The following NIBAN3 variants were observed in gnomAD, a reference collection of about 807,000 sequenced individuals.
NIBAN3 encodes protein Niban 3.
Under a neutral mutation model 76.4 loss-of-function variants are expected in NIBAN3, and 66 were observed. The ratio of observed to expected loss-of-function variants is 0.86; its 90% CI spans 0.71 to 1.06. NIBAN3 has a LOEUF of 1.06. NIBAN3 is among the 50% of genes least tolerant of loss of function. NIBAN3 has a pLI of 0.00. For missense variants in NIBAN3, 808 were observed against 810.7 expected, an observed-to-expected ratio of 1.00 and a Z score of 0.04; for synonymous variants, 360 against 355.2, an observed-to-expected ratio of 1.01 and a Z score of -0.15.
rs1390177873 is a variant in NIBAN3, at chr19:17,553,216, C to G, written c.*1318C>G. The G allele has an allele frequency of 6.6e-6, 10 of 1,521,528 alleles. No homozygotes were observed. Among genetic ancestry groups the G allele is most frequent in the Admixed American group, 2.1e-5 (1 of 46,576 alleles). The allele number at this position is 1,521,528 out of a possible 1,614,324, so 94.3% of individuals were successfully genotyped here. A position where few individuals can be genotyped will look rare whatever the true frequency, so the allele number is the denominator to read the frequency against. ...TTTTTCTTATTGATATCTAATAACT[C>G]TTTATATCTGAAGGATATGAACGCT... On this transcript the variant is annotated 3_prime_UTR_variant, in exon 15 of 15. Coordinates refer to ENST00000599164, the MANE Select transcript of NIBAN3 (RefSeq NM_001321827.2).
intron 4 of NIBAN3, among the ~76,000 whole-genome samples, chr19:17,535,404 C>T (rs559662226): frequency 2.0e-5 from 3 of 152,276 alleles, no homozygotes; most frequent in Middle Eastern, 3.4e-3. Context: ...TATGATCACA[C>T]CATTGAACTC....
At chr19:17,533,722 AG>A in intron 4 of NIBAN3, 21 bp downstream of exon 4, 2 of 1,574,260 alleles carry the variant, frequency 1.3e-6, no homozygotes, top group Non-Finnish European at 1.7e-6. Context: ...CGGGGTTCCC[AG>A]GAACAGGTTT....
chr19:17,541,516 A>G (rs1467106180), intron 9 of NIBAN3, among the ~76,000 whole-genome samples: 1 of 152,162 alleles, frequency 6.6e-6, no homozygotes, highest in Non-Finnish European at 1.5e-5. Flanking sequence ...CACAGACAGA[A>G]CATGAGATGG....
chr19:17,544,446 C>A (rs1401227111), intron 12 of NIBAN3, among the ~76,000 whole-genome samples: 1 of 152,194 alleles, frequency 6.6e-6, no homozygotes, highest in Non-Finnish European at 1.5e-5. Flanking sequence ...TCGCATATCA[C>A]CTGGTGACAT....
At chr19:17,538,039 C>A (rs2075856778) in intron 5 of NIBAN3, among the ~76,000 whole-genome samples, 1 of 152,020 alleles carries the variant, frequency 6.6e-6, no homozygotes, top group Admixed American at 6.6e-5. Flanking sequence ...AACAGAGACA[C>A]ACAGGGTGCT....
chr19:17,539,095 A>G, intron 5 of NIBAN3, 55 bp from the exon 6 acceptor site: 1 of 1,473,432 alleles, frequency 6.8e-7, no homozygotes. Flanking sequence ...TCCCCGGGCC[A>G]TCGGGAGCCA....
intron 4 of NIBAN3, among the ~76,000 whole-genome samples, chr19:17,537,123 T>C (rs914057369): frequency 6.6e-6 from 1 of 152,090 alleles, no homozygotes; most frequent in African/African-American, 2.4e-5. Flanking sequence ...GTATTAAGGA[T>C]GCTAAGGCTG....
intron 4 of NIBAN3, 116 bp from the exon 5 acceptor site, chr19:17,537,260 G>A: frequency 9.5e-7 from 1 of 1,048,724 alleles, no homozygotes; most frequent in South Asian, 1.5e-5. Flanking sequence ...AAGTATCGTG[G>A]TATGACTCAT....
intron 4 of NIBAN3, among the ~76,000 whole-genome samples, chr19:17,536,018 T>C (rs940381041): frequency 2.0e-5 from 3 of 151,914 alleles, no homozygotes; most frequent in African/African-American, 7.3e-5. Context: ...AGGCAGAAAA[T>C]CCCATCTTGT....
chr19:17,547,378 A>G (rs1269208120), intron 13 of NIBAN3, among the ~76,000 whole-genome samples: 3 of 72,760 alleles, frequency 4.1e-5, no homozygotes, highest in East Asian at 7.8e-4. Flanking sequence ...TTTTTGAGAC[A>G]GAGTCTCGCT....
intron 14 of NIBAN3, chr19:17,549,956 A>G: frequency 2.9e-6 from 1 of 342,136 alleles, no homozygotes; most frequent in South Asian, 9.2e-5. Context: ...AGCTGGGACT[A>G]CAGGCGGCAC....
intron 14 of NIBAN3, 102 bp downstream of exon 14, chr19:17,549,629 T>C (rs2076121800): frequency 1.1e-6 from 1 of 952,354 alleles, no homozygotes; most frequent in African/African-American, 1.6e-5. Flanking sequence ...TGTGGGTTCA[T>C]GGACGGAACA....
chr19:17,525,583 G>A (rs1190578442), upstream of NIBAN3, among the ~76,000 whole-genome samples: 6 of 152,122 alleles, frequency 3.9e-5, no homozygotes, highest in South Asian at 2.1e-4. Flanking sequence ...GGGCGACCAC[G>A]TGCAGGAGGC....
At chr19:17,523,697 A>G (rs551736889), upstream of NIBAN3, among the ~76,000 whole-genome samples, 6 of 152,154 alleles carry the variant, frequency 3.9e-5, no homozygotes, top group Non-Finnish European at 5.9e-5. Flanking sequence ...CCCTTCCCAC[A>G]AGGCTCCACG....
chr19:17,537,277 C>T lies in NIBAN3; in HGVS notation c.428-99C>T, dbSNP rs1018914367. 2.3e-5 allele frequency: 28 copies of T among 1,196,420 alleles called. No individual in the cohort carries two copies. The South Asian group carries it at 2.9e-4, about 12-fold the overall frequency. 74.1% of individuals were successfully genotyped at this position (1,196,420 alleles called of 1,614,324 possible). A position where few individuals can be genotyped will look rare whatever the true frequency, so the allele number is the denominator to read the frequency against. On this transcript the variant is annotated intron_variant, in intron 4 of 14. Transcript: ENST00000599164. ...GTATCGTGGTATGACTCATATTTAT[C>T]GAGCAACTGCCCATGCCAGGGACTG...
chr19:17,555,363 T>A (rs2076202903), downstream of NIBAN3, among the ~76,000 whole-genome samples: 1 of 152,050 alleles, frequency 6.6e-6, no homozygotes, highest in African/African-American at 2.4e-5. Flanking sequence ...CAGCCCGGGT[T>A]TTATACATGG....
chr19:17,533,793 G>T lies in NIBAN3; in HGVS notation c.427+92G>T, dbSNP rs114011143. 1.5e-5 allele frequency: 14 copies of T among 926,418 alleles called. No individual in the cohort carries two copies. The African/African-American group carries it at 2.3e-4, about 15-fold the overall frequency. 57.4% of individuals were successfully genotyped at this position (926,418 alleles called of 1,614,324 possible). ...TCATTCTCTGCGGTGGGGGCGTCCC[G>T]TGTACAGCAGGGCAGTAAGCAGCAT... On this transcript the variant is annotated intron_variant, in intron 4 of 14. Coordinates refer to ENST00000599164, the MANE Select transcript of NIBAN3 (RefSeq NM_001321827.2).
rs1172607885 is a variant in NIBAN3 at position 17,553,429 on chromosome 19, T to C, written c.*1531T>C. The stretch of plus-strand genomic sequence containing the variant: ...GATATTGGCAGCTTCTCTGCTGTCT[T>C]GCAGCTGCTTCCGGAGTGGGTTCCA... On this transcript the variant is annotated 3_prime_UTR_variant, in exon 15 of 15. Coordinates refer to ENST00000599164, the MANE Select transcript of NIBAN3 (RefSeq NM_001321827.2). 1 of 1,614,250 alleles carries C rather than the reference T, an allele frequency of 6.2e-7. No individual in the cohort carries two copies. The highest frequency in any genetic ancestry group is 2.2e-5 in the East Asian group (1 of 44,886).
intron 12 of NIBAN3, 184 bp from the exon 13 acceptor site, chr19:17,546,502 A>C: frequency 8.9e-7 from 1 of 1,120,496 alleles, no homozygotes; most frequent in Non-Finnish European, 1.1e-6. Flanking sequence ...GGCATGAGCC[A>C]CCGCACCCGG....
Sources: allele counts gnomAD v4.1 joint callset (sites outside exome capture counted in the v4.1 genomes callset), GRCh38; gene constraint gnomAD v4.1.1; transcripts MANE v1.5; gene names NCBI Gene and HGNC (gene_info 2026-07-23, HGNC 2026-07-21).